The following PBX3 variants were observed in gnomAD, a reference collection of about 807,000 sequenced individuals.
The protein encoded by PBX3 is PBX homeobox 3.
Under a neutral mutation model 48.5 loss-of-function variants are expected in PBX3, and 14 were observed. That is an observed-to-expected ratio of 0.29 (90% CI 0.19 to 0.45). The LOEUF is 0.45. Ranked by LOEUF, PBX3 falls within the 20% of genes least tolerant of loss-of-function variation. The probability of loss-of-function intolerance (pLI) is 1.00; values close to 1 mark genes in which losing one functional copy is unlikely to be tolerated. For missense variants in PBX3, 386 were observed against 546.7 expected (o/e 0.71, Z 2.93); for synonymous variants, 210 against 200.3 (o/e 1.05, Z -0.41).
chr9:125,893,961 C>T (rs1246804179), intron 2 of PBX3, among the ~76,000 whole-genome samples: 2 of 151,326 alleles, frequency 1.3e-5, no homozygotes, highest in African/African-American at 4.9e-5. Context: ...ATTAACTCCT[C>T]AGATTAAAAA....
chr9:125,773,355 C>G (rs1836990135), intron 2 of PBX3, among the ~76,000 whole-genome samples: 1 of 152,200 alleles, frequency 6.6e-6, no homozygotes, highest in South Asian at 2.1e-4. Flanking sequence ...GATGTCCTTT[C>G]AGAAAGCCTT....
At chr9:125,752,735 T>C (rs58450388) in intron 2 of PBX3, among the ~76,000 whole-genome samples, 3,050 of 152,298 alleles carry the variant, frequency 0.02, 171 homozygotes, top group East Asian at 0.17. Context: ...AAAATCAATT[T>C]TTTCAAGTGA....
chr9:125,787,847 G>A lies in PBX3; in HGVS notation c.274+39224G>A, dbSNP rs572240029. Among the ~76,000 whole-genome samples the A allele has an allele frequency of 4.6e-5, 7 of 152,308 alleles. No individual in the cohort carries two copies. In the South Asian group the frequency reaches 1.5e-3, roughly 32 times the overall value. On this transcript the variant is annotated intron_variant, in intron 2 of 8. Transcript: ENST00000373489. ...ATTTGAATTTTATTTCAGAAATGAA[G>A]CACTTCTAGGTGATGGATGATAAAG... is the stretch of plus-strand genomic sequence containing the variant.
chr9:125,945,198 T>C (rs1158217664), intron 5 of PBX3, among the ~76,000 whole-genome samples: 1 of 150,352 alleles, frequency 6.7e-6, no homozygotes, highest in Non-Finnish European at 1.5e-5. Flanking sequence ...CACTCCAGCC[T>C]GGGCAGAAGA....
chr9:125,889,389 C>G (rs1840581380), intron 2 of PBX3, among the ~76,000 whole-genome samples: 1 of 152,196 alleles, frequency 6.6e-6, no homozygotes, highest in African/African-American at 2.4e-5. Flanking sequence ...TCCTCCGGTC[C>G]CGAGTTCTGC....
chr9:125,769,435 T>G (rs1434778303), intron 2 of PBX3, among the ~76,000 whole-genome samples: 2 of 152,248 alleles, frequency 1.3e-5, no homozygotes, highest in African/African-American at 4.8e-5. Context: ...AATGCTTATG[T>G]AATATAATTT....
chr9:125,928,234 C>T (rs1236398539), intron 3 of PBX3, among the ~76,000 whole-genome samples: 2 of 151,758 alleles, frequency 1.3e-5, no homozygotes, highest in Non-Finnish European at 2.9e-5. Flanking sequence ...AAAAAATTAG[C>T]TGGGTATGGT....
In PBX3 at chr9:125,753,374, C is replaced by T. The variant is rs557706816; in HGVS notation, c.274+4751C>T. ...GAAGTTGTAAAAGAAAGGGATTTTT[C>T]TACTTCTTTATTCTTCCATTTCCAT... On this transcript the variant is annotated intron_variant, in intron 2 of 8. Transcript: ENST00000373489. Among the ~76,000 whole-genome samples, 4 of 149,600 alleles carry T rather than the reference C, an allele frequency of 2.7e-5. No individual in the cohort carries two copies. The East Asian group carries it at 7.8e-4, about 29-fold the overall frequency.
intron 5 of PBX3, among the ~76,000 whole-genome samples, chr9:125,938,248 A>G (rs1841881349): frequency 6.6e-6 from 1 of 152,220 alleles, no homozygotes; most frequent in African/African-American, 2.4e-5. Flanking sequence ...TAAACAGGAC[A>G]TAAAATGTGT....
intron 2 of PBX3, among the ~76,000 whole-genome samples, chr9:125,775,295 T>A (rs1342869533): frequency 3.3e-5 from 5 of 152,258 alleles, no homozygotes; most frequent in African/African-American, 1.2e-4. Flanking sequence ...CGATAATCTT[T>A]TTGTGTGCTC....
At chr9:125,837,903 G>T (rs1336820426) in intron 2 of PBX3, among the ~76,000 whole-genome samples, 1 of 152,118 alleles carries the variant, frequency 6.6e-6, no homozygotes, top group East Asian at 1.9e-4. Flanking sequence ...ACTTTCTATA[G>T]TCTTTGTTTT....
At chr9:125,830,478 CTTAT>C (rs1042719983) in intron 2 of PBX3, among the ~76,000 whole-genome samples, 66 of 152,042 alleles carry the variant, frequency 4.3e-4, no homozygotes, top group African/African-American at 1.5e-3. Flanking sequence ...TAGAAAAGTA[CTTAT>C]TTATAGGTGT....
At chr9:125,870,026 C>CA (rs1008985125) in intron 2 of PBX3, among the ~76,000 whole-genome samples, 1 of 137,970 alleles carries the variant, frequency 7.2e-6, no homozygotes, top group Non-Finnish European at 1.6e-5. Flanking sequence ...AAAGGCACAT[C>CA]TTTTTTTTTT....
At chr9:125,797,198 A>G (rs1018407306) in intron 2 of PBX3, among the ~76,000 whole-genome samples, 1 of 152,204 alleles carries the variant, frequency 6.6e-6, no homozygotes, top group African/African-American at 2.4e-5. Context: ...AATAATCCAT[A>G]ACATAAAGAG....
At chr9:125,920,777 C>T (rs561833832) in intron 3 of PBX3, among the ~76,000 whole-genome samples, 16 of 152,296 alleles carry the variant, frequency 1.1e-4, no homozygotes, top group African/African-American at 3.8e-4. Flanking sequence ...TCAGGCAAAG[C>T]ACTGGAACCA....
At chr9:125,825,284 C>T (rs1838775256) in intron 2 of PBX3, among the ~76,000 whole-genome samples, 1 of 150,966 alleles carries the variant, frequency 6.6e-6, no homozygotes, top group Admixed American at 6.6e-5. Context: ...ACTCTGTCCC[C>T]CGCAAAAAAA....
At chr9:125,769,145 T>C (rs1349183524) in intron 2 of PBX3, among the ~76,000 whole-genome samples, 1 of 152,140 alleles carries the variant, frequency 6.6e-6, no homozygotes, top group African/African-American at 2.4e-5. Flanking sequence ...TCAAGGACAT[T>C]GTGAAGTGAA....
chr9:125,830,748 G>A (rs1328031299), intron 2 of PBX3, among the ~76,000 whole-genome samples: 2 of 152,058 alleles, frequency 1.3e-5, no homozygotes, highest in Non-Finnish European at 1.5e-5. Flanking sequence ...TTTATAGAAG[G>A]AGAACCATGT....
intron 2 of PBX3, among the ~76,000 whole-genome samples, chr9:125,762,702 G>A (rs557970920): frequency 6.6e-6 from 1 of 152,286 alleles, no homozygotes; most frequent in African/African-American, 2.4e-5. Context: ...AACAAACCTT[G>A]CATTATTCTG....
Sources: allele counts gnomAD v4.1 joint callset (sites outside exome capture counted in the v4.1 genomes callset), GRCh38; gene constraint gnomAD v4.1.1; transcripts MANE v1.5; gene names NCBI Gene and HGNC (gene_info 2026-07-23, HGNC 2026-07-21).